Variants in AGBL1 observed in about 807,000 individuals in gnomAD.
AGBL1 encodes AGBL carboxypeptidase 1.
A neutral mutation model predicts 118.9 loss-of-function variants in AGBL1; 130 were observed. The ratio of observed to expected loss-of-function variants is 1.09; its 90% CI spans 0.95 to 1.26. The LOEUF is 1.26. Among genes scored for constraint, AGBL1 ranks in the 50% most tolerant of loss-of-function variants. The pLI is 0.00. For missense variants in AGBL1, 1,584 were observed against 1,298.1 expected (o/e 1.22, Z -3.38); for synonymous variants, 555 against 478.9 (o/e 1.16, Z -2.08).
chr15:86,434,462 T>G (rs930293167), intron 18 of AGBL1, among the ~76,000 whole-genome samples: 16 of 152,338 alleles, frequency 1.1e-4, no homozygotes, highest in African/African-American at 3.8e-4. Context: ...ACATTTAAAT[T>G]AACTGATGCT....
At position 86,159,999 on chromosome 15, in the gene AGBL1, A is replaced by T. The variant is rs73443467; in HGVS notation, c.488+973A>T. Among the ~76,000 whole-genome samples, 1,072 of 152,034 alleles carry T rather than the reference A, an allele frequency of 7.1e-3. 14 individuals carry two copies. The highest frequency in any genetic ancestry group is 0.025 in the African/African-American group (1,024 of 41,472). Reference sequence around the variant, plus strand: ...TACTGGATTGAATGCTGGTTTCTTTACTGTAAGACTTCTCAGAGCCTTTGT... The same window carrying T: ...TACTGGATTGAATGCTGGTTTCTTTTCTGTAAGACTTCTCAGAGCCTTTGT... On this transcript the variant is annotated intron_variant, in intron 5 of 22. Transcript: ENST00000614907.
intron 17 of AGBL1, among the ~76,000 whole-genome samples, chr15:86,359,667 C>A (rs1436902241): frequency 2.0e-5 from 3 of 151,598 alleles, no homozygotes; most frequent in Non-Finnish European, 3.0e-5. Flanking sequence ...TTCTTACAAT[C>A]CTTGAACAAG....
At chr15:86,225,868 A>G (rs1297406818) in intron 6 of AGBL1, among the ~76,000 whole-genome samples, 3 of 152,188 alleles carry the variant, frequency 2.0e-5, no homozygotes, top group African/African-American at 4.8e-5. Context: ...TCTGTCAACT[A>G]TAAGCAGAGA....
At chr15:86,359,387 CTTT>C (rs56189861) in intron 17 of AGBL1, among the ~76,000 whole-genome samples, 5 of 93,808 alleles carry the variant, frequency 5.3e-5, no homozygotes, top group South Asian at 4.1e-4. Flanking sequence ...TATTGGTTTT[CTTT>C]TTTTTTTTTT....
At chr15:86,222,864 C>T (rs982565500) in intron 5 of AGBL1, among the ~76,000 whole-genome samples, 1 of 152,120 alleles carries the variant, frequency 6.6e-6, no homozygotes, top group Admixed American at 6.5e-5. Context: ...CTCTCAACAT[C>T]GAAAGGGTAA....
chr15:86,526,544 G>GGGTATA (rs1555422466), intron 19 of AGBL1, among the ~76,000 whole-genome samples: 1 of 119,452 alleles, frequency 8.4e-6, no homozygotes, highest in African/African-American at 3.3e-5. Flanking sequence ...TTGTGTCTGT[G>GGGTATA]TATATATATA....
intron 6 of AGBL1, among the ~76,000 whole-genome samples, chr15:86,235,041 T>C (rs1424121768): frequency 2.6e-5 from 4 of 152,194 alleles, no homozygotes; most frequent in Non-Finnish European, 5.9e-5. Flanking sequence ...GACAGTTCTG[T>C]CACAGCTACT....
At chr15:86,945,743 T>C (rs1200989679) in intron 23 of AGBL1, among the ~76,000 whole-genome samples, 2 of 152,182 alleles carry the variant, frequency 1.3e-5, no homozygotes, top group Non-Finnish European at 2.9e-5. Context: ...GAATGATATG[T>C]GTGTGCATAT....
chr15:86,707,095 C>G (rs758340826), intron 22 of AGBL1, among the ~76,000 whole-genome samples: 1 of 152,076 alleles, frequency 6.6e-6, no homozygotes, highest in Non-Finnish European at 1.5e-5. Context: ...GTTCATCTCT[C>G]TAGTTTTGCT....
intron 5 of AGBL1, among the ~76,000 whole-genome samples, chr15:86,212,872 A>G (rs949141326): frequency 6.6e-6 from 1 of 152,104 alleles, no homozygotes; most frequent in African/African-American, 2.4e-5. Flanking sequence ...CTGGTTTCGA[A>G]CTGTTGACCT....
At chr15:86,266,878 C>A in intron 12 of AGBL1, 112 bp from the exon 13 acceptor site, 1 of 947,654 alleles carries the variant, frequency 1.1e-6, no homozygotes, top group Non-Finnish European at 1.6e-6. Flanking sequence ...CCAGCCTGGG[C>A]AACAGAGTGA....
intron 23 of AGBL1, among the ~76,000 whole-genome samples, chr15:86,937,049 G>T (rs2080684791): frequency 6.6e-6 from 1 of 152,150 alleles, no homozygotes; most frequent in Non-Finnish European, 1.5e-5. Context: ...AGCATATGAA[G>T]AAAAGCTCAA....
At chr15:86,463,176 T>C (rs2142088893) in intron 18 of AGBL1, among the ~76,000 whole-genome samples, 1 of 152,352 alleles carries the variant, frequency 6.6e-6, no homozygotes, top group South Asian at 2.1e-4. Flanking sequence ...GATTTGCATT[T>C]CTCTGATGGC....
rs576511428 is a variant in AGBL1, at chr15:86,562,121, T to C, written c.2994+7584T>C. Among the ~76,000 whole-genome samples, 8 of 152,294 alleles carry C rather than the reference T, an allele frequency of 5.3e-5. No individual in the cohort carries two copies. The South Asian group carries it at 1.7e-3, about 32-fold the overall frequency. ...GCAAACAGGGACAATTTGACTTCCT[T>C]TTTTCCTAATGGAATACCCTTTATT... is the stretch of plus-strand genomic sequence containing the variant. On this transcript the variant is annotated intron_variant, in intron 21 of 22. Coordinates refer to ENST00000614907, the MANE Select transcript of AGBL1 (RefSeq NM_001386094.1).
rs375462461 is a variant in AGBL1 at position 86,431,298 on chromosome 15, C to A, written c.2555+33752C>A. 4.8e-4 allele frequency among the ~76,000 whole-genome samples: 73 copies of A among 152,304 alleles called. 1 individual carries two copies. Among genetic ancestry groups the A allele is most frequent in the African/African-American group, 1.5e-3 (63 of 41,554 alleles). ...AGTTACATAAAATTGAATAGCCCTACTTTCTTATAAGTAAAATGAATATAA... is the reference window on the plus strand; with the variant it reads ...AGTTACATAAAATTGAATAGCCCTAATTTCTTATAAGTAAAATGAATATAA... On this transcript the variant is annotated intron_variant, in intron 18 of 22. Transcript: ENST00000614907.
At position 86,276,672 on chromosome 15, in the gene AGBL1, C is replaced by G. The variant is rs189335019; in HGVS notation, c.2076-2967C>G. On this transcript the variant is annotated intron_variant, in intron 15 of 22. Coordinates refer to ENST00000614907, the MANE Select transcript of AGBL1 (RefSeq NM_001386094.1). Reference sequence around the variant, plus strand: ...GGCAGGCTTCCTGAAAGAGGAAACACTTGAGTTAAATCTTGAGGAGTGAAG... The same window carrying G: ...GGCAGGCTTCCTGAAAGAGGAAACAGTTGAGTTAAATCTTGAGGAGTGAAG... Among the ~76,000 whole-genome samples, 853 of 152,244 alleles carry G rather than the reference C, an allele frequency of 5.6e-3. 5 individuals carry two copies. Among genetic ancestry groups the G allele is most frequent in the African/African-American group, 0.02 (821 of 41,546 alleles).
chr15:86,623,563 T>A (rs975353127), intron 21 of AGBL1, among the ~76,000 whole-genome samples: 3 of 152,222 alleles, frequency 2.0e-5, no homozygotes, highest in Non-Finnish European at 4.4e-5. Flanking sequence ...TGTCACCAGC[T>A]CTGGATGCTT....
At chr15:86,358,902 C>T (rs1330583889) in intron 17 of AGBL1, among the ~76,000 whole-genome samples, 2 of 151,298 alleles carry the variant, frequency 1.3e-5, no homozygotes, top group African/African-American at 2.4e-5. Flanking sequence ...TATTTGAGTT[C>T]CTTATATATT....
At chr15:86,718,773 T>TA (rs982426980) in intron 22 of AGBL1, among the ~76,000 whole-genome samples, 48 of 152,066 alleles carry the variant, frequency 3.2e-4, no homozygotes, top group East Asian at 7.7e-4. Flanking sequence ...AGGACTTTTT[T>TA]AAAAAAAATT....
Sources: allele counts gnomAD v4.1 joint callset (sites outside exome capture counted in the v4.1 genomes callset), GRCh38; gene constraint gnomAD v4.1.1; transcripts MANE v1.5; gene names NCBI Gene and HGNC (gene_info 2026-07-23, HGNC 2026-07-21).